KYNU: variants seen among roughly 807,000 people sequenced by gnomAD.
KYNU encodes L-kynurenine hydrolase.
In KYNU, 54 loss-of-function variants were observed where a neutral mutation model predicts 59.2. The ratio of observed to expected loss-of-function variants is 0.91; its 90% CI spans 0.73 to 1.14. The LOEUF (loss-of-function observed/expected upper bound fraction) is 1.14. Among genes scored for constraint, KYNU ranks in the 50% most tolerant of loss-of-function variants. KYNU has a pLI of 0.00. For synonymous variants in KYNU, 177 were observed against 192.0 expected (o/e 0.92, Z 0.65); for missense variants, 567 against 554.4 (o/e 1.02, Z -0.23).
intron 2 of KYNU, among the ~76,000 whole-genome samples, chr2:142,888,738 C>T (rs1681600298): frequency 6.6e-6 from 1 of 151,664 alleles, no homozygotes; most frequent in Non-Finnish European, 1.5e-5. Flanking sequence ...ACGCCAGTTG[C>T]ATCTTAATGT....
At chr2:143,023,667 G>A (rs16858510) in intron 10 of KYNU, among the ~76,000 whole-genome samples, 17,535 of 151,744 alleles carry the variant, frequency 0.12, 1,096 homozygotes, top group East Asian at 0.25. Flanking sequence ...ACTATCAAGT[G>A]ATAACAGATT....
At chr2:142,881,743 T>C (rs1681303457) in intron 1 of KYNU, among the ~76,000 whole-genome samples, 1 of 151,978 alleles carries the variant, frequency 6.6e-6, no homozygotes, top group African/African-American at 2.4e-5. Flanking sequence ...ACTTAATATA[T>C]CCTAAATATA....
In KYNU at chr2:143,046,780, T is replaced by G. The variant is rs57940394; in HGVS notation, c.*4608T>G. ...CCTGGTTATCCTGGGCCCCCTACTT[T>G]TTTTATATTTTTGAATACATCTAAA... On this transcript the variant is annotated 3_prime_UTR_variant, in exon 14 of 14. Coordinates refer to ENST00000264170, the MANE Select transcript of KYNU (RefSeq NM_003937.3). 5 of 151,746 alleles carry G rather than the reference T, an allele frequency of 3.3e-5. No individual in the cohort carries two copies. The highest frequency in any genetic ancestry group is 1.5e-5 in the Non-Finnish European group (1 of 67,942). The allele number at this position is 151,746 out of a possible 1,614,324, so 9.4% of individuals were successfully genotyped here. A position where few individuals can be genotyped will look rare whatever the true frequency, so the allele number is the denominator to read the frequency against.
chr2:142,978,041 CTG>C (rs1045964479), intron 8 of KYNU, among the ~76,000 whole-genome samples: 6 of 152,250 alleles, frequency 3.9e-5, no homozygotes, highest in African/African-American at 1.4e-4. Context: ...TGCTCCAAGA[CTG>C]TGGCAAAAAA....
chr2:143,038,613 G>A (rs546414525), intron 12 of KYNU, among the ~76,000 whole-genome samples: 1 of 152,128 alleles, frequency 6.6e-6, no homozygotes, highest in Non-Finnish European at 1.5e-5. Flanking sequence ...TTCAGACATT[G>A]TCTGGGAGTT....
chr2:143,052,377 A>C lies in KYNU; in HGVS notation c.*10205A>C, dbSNP rs1461359042. On this transcript the variant is annotated 3_prime_UTR_variant, in exon 14 of 14. Transcript: ENST00000264170. Reference sequence around the variant, plus strand: ...GCAGACATTTACATAAGTAACAAGAAGCTGAATGTTAATCACTAAGACAAT... The same window carrying C: ...GCAGACATTTACATAAGTAACAAGACGCTGAATGTTAATCACTAAGACAAT... 1 of 152,266 alleles carries C rather than the reference A, an allele frequency of 6.6e-6. No individual in the cohort carries two copies. Among genetic ancestry groups the C allele is most frequent in the African/African-American group, 2.4e-5 (1 of 41,474 alleles). 9.4% of individuals were successfully genotyped at this position (152,266 alleles called of 1,614,324 possible).
In KYNU at chr2:142,953,855, C is replaced by T. The variant is rs184563872; in HGVS notation, c.374-955C>T. Reference sequence around the variant, plus strand: ...AATTCTTAAATTATATACTTATTTACATGGCTTCTCCCCTCTAGTGAACTT... The same window carrying T: ...AATTCTTAAATTATATACTTATTTATATGGCTTCTCCCCTCTAGTGAACTT... On this transcript the variant is annotated intron_variant, in intron 4 of 13. Transcript: ENST00000264170. 1.8e-4 allele frequency among the ~76,000 whole-genome samples: 27 copies of T among 152,316 alleles called. No individual in the cohort carries two copies. In the East Asian group the frequency reaches 5.0e-3, roughly 28 times the overall value.
chr2:142,945,206 G>T (rs1480299138), intron 4 of KYNU, among the ~76,000 whole-genome samples: 7 of 152,174 alleles, frequency 4.6e-5, no homozygotes, highest in Non-Finnish European at 2.9e-5. Flanking sequence ...TCTGTAGCTT[G>T]TGATGCTATT....
At chr2:142,895,698 T>A (rs1370421441) in intron 2 of KYNU, among the ~76,000 whole-genome samples, 1 of 152,168 alleles carries the variant, frequency 6.6e-6, no homozygotes, top group East Asian at 1.9e-4. Context: ...TTATTTTTAT[T>A]TTTTTAGAAA....
intron 8 of KYNU, among the ~76,000 whole-genome samples, chr2:142,975,925 G>T (rs1684867384): frequency 6.6e-6 from 1 of 152,018 alleles, no homozygotes; most frequent in Admixed American, 6.6e-5. Context: ...CTTTTCTCAT[G>T]ATACCCATTT....
At chr2:142,903,772 A>G (rs1287316673) in intron 2 of KYNU, among the ~76,000 whole-genome samples, 1 of 152,206 alleles carries the variant, frequency 6.6e-6, no homozygotes, top group Non-Finnish European at 1.5e-5. Context: ...TGGGCCTTCC[A>G]GTGATTCCCT....
chr2:142,894,400 C>CA (rs560915757), intron 2 of KYNU, among the ~76,000 whole-genome samples: 1 of 152,144 alleles, frequency 6.6e-6, no homozygotes, highest in South Asian at 2.1e-4. Context: ...CATAGCAACA[C>CA]AAAAAAATCT....
intron 8 of KYNU, among the ~76,000 whole-genome samples, chr2:142,982,185 T>G (rs960806816): frequency 6.6e-6 from 1 of 152,118 alleles, no homozygotes; most frequent in Non-Finnish European, 1.5e-5. Flanking sequence ...GGAGCAGGTA[T>G]GTGCACTTGG....
At chr2:142,924,178 C>T (rs1558924023) in intron 3 of KYNU, among the ~76,000 whole-genome samples, 1 of 151,978 alleles carries the variant, frequency 6.6e-6, no homozygotes, top group Non-Finnish European at 1.5e-5. Context: ...GATCATAGCT[C>T]ACTGCAGCCT....
intron 2 of KYNU, among the ~76,000 whole-genome samples, chr2:142,886,262 A>T (rs1028842718): frequency 6.6e-6 from 1 of 152,210 alleles, no homozygotes. Flanking sequence ...CATCCTTTAT[A>T]ATAGTCTGAT....
chr2:142,989,330 CT>C, intron 10 of KYNU: 1 of 1,008,024 alleles, frequency 9.9e-7, no homozygotes, highest in Non-Finnish European at 1.2e-6. Flanking sequence ...TCTTACTTTT[CT>C]GTTCTCTTAG....
At chr2:143,031,936 A>C (rs189437722) in intron 11 of KYNU, among the ~76,000 whole-genome samples, 190 of 152,208 alleles carry the variant, frequency 1.2e-3, no homozygotes, top group African/African-American at 4.4e-3. Context: ...GGCACATATG[A>C]GGTGATGGGA....
rs930318863 is a variant in KYNU, at chr2:143,051,058, G to A, written c.*8886G>A. On this transcript the variant is annotated 3_prime_UTR_variant, in exon 14 of 14. Transcript: ENST00000264170. ...ACTAATAATTTTATTTTTAATTTCAGCAAGATTTAGTCTCAAATAACACAA... is the reference window on the plus strand; with the variant it reads ...ACTAATAATTTTATTTTTAATTTCAACAAGATTTAGTCTCAAATAACACAA... 1.3e-5 allele frequency: 2 copies of A among 152,124 alleles called. No individual in the cohort carries two copies. 9.4% of individuals were successfully genotyped at this position (152,124 alleles called of 1,614,324 possible).
intron 6 of KYNU, among the ~76,000 whole-genome samples, chr2:142,957,202 C>T (rs1192924617): frequency 6.6e-6 from 1 of 152,014 alleles, no homozygotes; most frequent in African/African-American, 2.4e-5. Flanking sequence ...GGTGTGGGGG[C>T]TTATCCACAT....
Sources: allele counts gnomAD v4.1 joint callset (sites outside exome capture counted in the v4.1 genomes callset), GRCh38; gene constraint gnomAD v4.1.1; transcripts MANE v1.5; gene names NCBI Gene and HGNC (gene_info 2026-07-23, HGNC 2026-07-21).